Variants in PRKACA observed in about 807,000 individuals in gnomAD.
The protein encoded by PRKACA is protein kinase cAMP-activated catalytic subunit alpha, also known as cAMP-dependent protein kinase catalytic subunit alpha.
Under a neutral mutation model 45.8 loss-of-function variants are expected in PRKACA, and 9 were observed. The observed-to-expected ratio is 0.20, with a 90% CI of 0.12 to 0.34. PRKACA has a LOEUF of 0.34. PRKACA is among the 10% of genes least tolerant of loss of function. The pLI, the probability that PRKACA is intolerant of heterozygous loss-of-function variation, is 1.00. For missense variants in PRKACA, 238 were observed against 458.6 expected (o/e 0.52, Z 4.39); for synonymous variants, 160 against 178.6 (o/e 0.90, Z 0.83).
At chr19:14,117,371 C>A in intron 1 of PRKACA, 131 bp downstream of exon 1, 1 of 1,066,372 alleles carries the variant, frequency 9.4e-7, no homozygotes, top group Non-Finnish European at 1.1e-6. Context: ...CTTGGACAGG[C>A]CGGGGCAAGG....
chr19:14,093,863 T>G (rs1977168413), intron 8 of PRKACA, 71 bp from the exon 9 acceptor site: 12 of 1,470,346 alleles, frequency 8.2e-6, no homozygotes, highest in Admixed American at 2.2e-5. Flanking sequence ...TGCTTCTTTC[T>G]CCATCCAACG....
intron 4 of PRKACA, among the ~76,000 whole-genome samples, chr19:14,102,454 C>G (rs1977473278): frequency 2.0e-5 from 3 of 152,174 alleles, no homozygotes; most frequent in Admixed American, 1.3e-4. Context: ...AGATAAGTCT[C>G]TTGCCCGGGG....
At chr19:14,098,942 A>G (rs960978353) in intron 5 of PRKACA, among the ~76,000 whole-genome samples, 3 of 152,168 alleles carry the variant, frequency 2.0e-5, no homozygotes, top group African/African-American at 7.2e-5. Flanking sequence ...GGAACATTGA[A>G]GAACTGTGCA....
chr19:14,117,527 GGCGGCGGCGGCGTTGCCCATC>G lies in PRKACA; in HGVS notation c.-1_20del. ...CGCTCTCCTGCTCGCTGCCCTTCTT[GGCGGCGGCGGCGTTGCCCATC>G]GCGGCGGCGGCGGCCGGGGCCGGTC... On this transcript the variant is annotated start_lost and 5_prime_UTR_variant, in exon 1 of 10. Coordinates refer to ENST00000308677, the MANE Select transcript of PRKACA (RefSeq NM_002730.4). 1.6e-6 allele frequency: 2 copies of G among 1,225,902 alleles called. No individual in the cohort carries two copies. Among genetic ancestry groups the G allele is most frequent in the Non-Finnish European group, 1.0e-6 (1 of 980,618 alleles). The allele number at this position is 1,225,902 out of a possible 1,614,324, so 75.9% of individuals were successfully genotyped here.
At chr19:14,100,672 C>A (rs1230633318) in intron 5 of PRKACA, among the ~76,000 whole-genome samples, 154 bp downstream of exon 5, 2 of 152,170 alleles carry the variant, frequency 1.3e-5, no homozygotes, top group Non-Finnish European at 2.9e-5. Context: ...ATCACATATT[C>A]CTCAGCAGAG....
chr19:14,114,043 G>C (rs1439999257), intron 1 of PRKACA: 1 of 1,414,188 alleles, frequency 7.1e-7, no homozygotes, highest in Non-Finnish European at 9.8e-7. Context: ...TCTTCTCTTC[G>C]CCTGTGCCCC....
At chr19:14,095,704 G>C (rs982631208) in intron 8 of PRKACA, among the ~76,000 whole-genome samples, 1 of 149,124 alleles carries the variant, frequency 6.7e-6, no homozygotes, top group Non-Finnish European at 1.5e-5. Context: ...TTTTAGTAGA[G>C]ACAGGGTTTC....
chr19:14,115,325 A>T (rs1026906441), intron 1 of PRKACA, among the ~76,000 whole-genome samples: 2 of 152,188 alleles, frequency 1.3e-5, no homozygotes, highest in Non-Finnish European at 2.9e-5. Context: ...AGTGAGTAAA[A>T]CTTTTATTAT....
Position 14,097,148 on chromosome 19 carries a change from A to G in PRKACA, c.765+213T>C. 3.0e-6 allele frequency: 2 copies of G among 667,704 alleles called. No homozygotes were observed. Among genetic ancestry groups the G allele is most frequent in the East Asian group, 3.0e-5 (1 of 33,124 alleles). 41.4% of individuals were successfully genotyped at this position (667,704 alleles called of 1,614,324 possible). A position where few individuals can be genotyped will look rare whatever the true frequency, so the allele number is the denominator to read the frequency against. On this transcript the variant is annotated intron_variant, in intron 8 of 9. Transcript: ENST00000308677. This position sits in a 1 kb window ranked among gnomAD's most constrained non-coding sequence, Gnocchi z 5.4. ...GTGAGGCTCGGGATTTTGGAAGCCC[A>G]TGGGATTCTGGAACCGCGGGGTTGG... is the stretch of plus-strand genomic sequence containing the variant.
chr19:14,109,975 T>A lies in PRKACA; in HGVS notation c.47-2566A>T, dbSNP rs866288393. ...AAAAAAAAAAAAAAAAATATATATA[T>A]ATATATATATATATATATATATATA... On this transcript the variant is annotated intron_variant, in intron 1 of 9. Transcript: ENST00000308677. 1.1e-3 allele frequency among the ~76,000 whole-genome samples: 83 copies of A among 74,928 alleles called. 1 individual carries two copies. The highest frequency in any genetic ancestry group is 4.6e-3 in the African/African-American group (76 of 16,586). The allele number at this position is 74,928 out of a possible 152,430, so 49.2% of individuals were successfully genotyped here.
intron 1 of PRKACA, chr19:14,107,642 G>T: frequency 7.5e-7 from 1 of 1,333,934 alleles, no homozygotes; most frequent in Non-Finnish European, 9.7e-7. Context: ...AGTCTCAGGG[G>T]TCACTCGCAG....
intron 1 of PRKACA, chr19:14,107,643 T>C: frequency 7.5e-7 from 1 of 1,332,776 alleles, no homozygotes; most frequent in Non-Finnish European, 9.7e-7. Flanking sequence ...GTCTCAGGGG[T>C]CACTCGCAGG....
chr19:14,100,335 T>C (rs1253017446), intron 5 of PRKACA, among the ~76,000 whole-genome samples: 1 of 152,024 alleles, frequency 6.6e-6, no homozygotes, highest in Non-Finnish European at 1.5e-5. Context: ...TGTCACTCTC[T>C]CACCCAGGCT....
At chr19:14,107,786 C>A in intron 1 of PRKACA, 1 of 1,010,980 alleles carries the variant, frequency 9.9e-7, no homozygotes. Context: ...CTGGCCCCTT[C>A]TCTGGGGAGG....
chr19:14,106,480 C>A (rs902554700), intron 3 of PRKACA, among the ~76,000 whole-genome samples: 1 of 152,114 alleles, frequency 6.6e-6, no homozygotes, highest in African/African-American at 2.4e-5. Context: ...ATGGCGAAAA[C>A]CCATCTCTAC....
At chr19:14,094,023 T>C (rs771775081) in intron 8 of PRKACA, among the ~76,000 whole-genome samples, 4 of 151,664 alleles carry the variant, frequency 2.6e-5, no homozygotes, top group Non-Finnish European at 5.9e-5. Flanking sequence ...AATTCAAGAG[T>C]TAGTTATTTT....
chr19:14,104,639 T>C (rs1977550243), intron 3 of PRKACA, among the ~76,000 whole-genome samples: 1 of 143,412 alleles, frequency 7.0e-6, no homozygotes. Flanking sequence ...GAGGTTGCAG[T>C]GAGCCAAGAT....
chr19:14,093,869 C>G lies in PRKACA; in HGVS notation c.766-77G>C, dbSNP rs1262219772. On this transcript the variant is annotated intron_variant, in intron 8 of 9. Transcript: ENST00000308677. ...AGCCCATGATGCTTCTTTCTCCATCCAACGGTCCTACTGGGTGTGGGCCTC... is the reference window on the plus strand; with the variant it reads ...AGCCCATGATGCTTCTTTCTCCATCGAACGGTCCTACTGGGTGTGGGCCTC... 4 of 1,445,294 alleles carry G rather than the reference C, an allele frequency of 2.8e-6. No homozygotes were observed. The East Asian group carries it at 9.5e-5, about 34-fold the overall frequency. The allele number at this position is 1,445,294 out of a possible 1,614,324, so 89.5% of individuals were successfully genotyped here.
intron 2 of PRKACA, 49 bp from the exon 3 acceptor site, chr19:14,106,937 T>A: frequency 6.2e-7 from 1 of 1,609,038 alleles, no homozygotes; most frequent in South Asian, 1.1e-5. Flanking sequence ...CCCCGCGGCC[T>A]GCTTGGCTAA....
Sources: gnomAD v4.1 joint callset for allele counts (sites outside exome capture counted in the v4.1 genomes callset) on GRCh38, gnomAD v4.1.1 for gene constraint, Gnocchi (gnomAD v3.1) non-coding constraint, MANE v1.5 for transcripts, NCBI Gene and HGNC (gene_info 2026-07-23, HGNC 2026-07-21) for gene names.